The following SPARCL1 variants were observed in gnomAD, a reference collection of about 807,000 sequenced individuals.
The protein encoded by SPARCL1 is SPARC like 1.
In SPARCL1, 52 loss-of-function variants were observed where a neutral mutation model predicts 67.1. The observed-to-expected ratio is 0.78, with a 90% CI of 0.62 to 0.98. The LOEUF (loss-of-function observed/expected upper bound fraction) is 0.98, where lower values mean the gene tolerates loss of function less well. Among genes scored for constraint, SPARCL1 ranks in the 50% least tolerant of loss-of-function variants. The pLI, the probability that SPARCL1 is intolerant of heterozygous loss-of-function variation, is 0.00. For missense variants in SPARCL1, 717 were observed against 782.4 expected (o/e 0.92, Z 1.00); for synonymous variants, 226 against 267.8 (o/e 0.84, Z 1.52).
rs202032213 is a variant in SPARCL1, at chr4:87,480,344, T to G, written c.1817+28A>C. ...AGATATTTTATCAGAGAGATAAATC[T>G]AGAAATGGAAAGGTAAAGAGTTCTT... On this transcript the variant is annotated intron_variant, in intron 9 of 10. Coordinates refer to ENST00000282470, the MANE Select transcript of SPARCL1 (RefSeq NM_004684.6). The G allele has an allele frequency of 9.8e-6, 15 of 1,530,148 alleles. No individual in the cohort carries two copies. In the African/African-American group the frequency reaches 1.4e-4, roughly 14 times the overall value. The allele number at this position is 1,530,148 out of a possible 1,614,324, so 94.8% of individuals were successfully genotyped here.
intron 1 of SPARCL1, 120 bp from the exon 2 acceptor site, chr4:87,499,705 C>T (rs1724770063): frequency 1.3e-6 from 1 of 750,320 alleles, no homozygotes; most frequent in Non-Finnish European, 2.3e-6. Context: ...TGATTTCTAT[C>T]TTTGTGGATT....
At chr4:87,513,168 C>CTTG (rs1725443670) in intron 1 of SPARCL1, among the ~76,000 whole-genome samples, 1 of 152,124 alleles carries the variant, frequency 6.6e-6, no homozygotes, top group Non-Finnish European at 1.5e-5. Context: ...TTATACATTC[C>CTTG]TTGTATTTAT....
In SPARCL1 at chr4:87,497,263, A is replaced by C. The variant is rs1035999452; in HGVS notation, c.55-2136T>G. The C allele has an allele frequency of 8.2e-6, 8 of 976,798 alleles. No individual in the cohort carries two copies. In the African/African-American group the frequency reaches 1.4e-4, roughly 17 times the overall value. 60.5% of individuals were successfully genotyped at this position (976,798 alleles called of 1,614,324 possible). A position where few individuals can be genotyped will look rare whatever the true frequency, so the allele number is the denominator to read the frequency against. On this transcript the variant is annotated intron_variant, in intron 2 of 10. Transcript: ENST00000282470. ...ACCTAAGATGGGTAATGAATTTGAA[A>C]AAGTTTATAAAGAAGCCTTAAAGAA...
At chr4:87,488,705 GGTGCTCT>G (rs1560815836) in intron 7 of SPARCL1, among the ~76,000 whole-genome samples, 1 of 152,116 alleles carries the variant, frequency 6.6e-6, no homozygotes, top group Non-Finnish European at 1.5e-5. Flanking sequence ...CCTTCCCCCA[GGTGCTCT>G]GTCCCAAGGA....
chr4:87,527,278 GC>G (rs1300036968), intron 1 of SPARCL1, among the ~76,000 whole-genome samples: 1 of 152,198 alleles, frequency 6.6e-6, no homozygotes, highest in Non-Finnish European at 1.5e-5. Context: ...CTCTCAGGAA[GC>G]CAGGCCTACT....
At chr4:87,509,184 T>C (rs1368442022) in intron 1 of SPARCL1, among the ~76,000 whole-genome samples, 1 of 151,820 alleles carries the variant, frequency 6.6e-6, no homozygotes, top group African/African-American at 2.4e-5. Context: ...AATTAGGTAG[T>C]TGATAATAGC....
chr4:87,507,980 G>C lies in SPARCL1; in HGVS notation c.-11-8395C>G, dbSNP rs1431782601. 2.6e-5 allele frequency among the ~76,000 whole-genome samples: 4 copies of C among 152,210 alleles called. No homozygotes were observed. The South Asian group carries it at 8.3e-4, about 32-fold the overall frequency. On this transcript the variant is annotated intron_variant, in intron 1 of 10. Coordinates refer to ENST00000282470, the MANE Select transcript of SPARCL1 (RefSeq NM_004684.6). Reference sequence around the variant, plus strand: ...CAAAGGGTGAGGTATGGGGGAAGGGGCACAGAGCTGCCAAGCCCTCCCCGG... The same window carrying C: ...CAAAGGGTGAGGTATGGGGGAAGGGCCACAGAGCTGCCAAGCCCTCCCCGG...
chr4:87,474,105 C>T (rs1046872906), intron 10 of SPARCL1, among the ~76,000 whole-genome samples: 2 of 152,106 alleles, frequency 1.3e-5, no homozygotes, highest in Non-Finnish European at 2.9e-5. Context: ...AGCAGGTTAA[C>T]GGGAGGTCCA....
At chr4:87,476,887 T>C (rs1410994835) in intron 10 of SPARCL1, among the ~76,000 whole-genome samples, 1 of 152,234 alleles carries the variant, frequency 6.6e-6, no homozygotes, top group Non-Finnish European at 1.5e-5. Flanking sequence ...TTCTCAGCCT[T>C]GAAGGAAAGA....
At chr4:87,509,229 G>A (rs1377161375) in intron 1 of SPARCL1, among the ~76,000 whole-genome samples, 3 of 151,968 alleles carry the variant, frequency 2.0e-5, no homozygotes. Flanking sequence ...TAAGTTCTAG[G>A]CACTATTCTA....
chr4:87,518,874 T>C (rs183983779), intron 1 of SPARCL1, among the ~76,000 whole-genome samples: 2 of 152,284 alleles, frequency 1.3e-5, no homozygotes, highest in African/African-American at 2.4e-5. Flanking sequence ...TAGCTCAAAA[T>C]TGTTTGGTCC....
chr4:87,478,064 A>C lies in SPARCL1; in HGVS notation c.1966+1366T>G, dbSNP rs78460812. Among the ~76,000 whole-genome samples the C allele has an allele frequency of 8.9e-3, 1,357 of 152,322 alleles. 25 individuals are homozygous for C. The highest frequency in any genetic ancestry group is 0.029 in the African/African-American group (1,198 of 41,572). On this transcript the variant is annotated intron_variant, in intron 10 of 10. Transcript: ENST00000282470. ...CATATGCATGGGGGATATTTTAAAA[A>C]TGAAGTATGCACAAGTTATTTCTTT... is the stretch of plus-strand genomic sequence containing the variant.
At chr4:87,495,944 A>T (rs191692506) in intron 2 of SPARCL1, among the ~76,000 whole-genome samples, 2 of 152,342 alleles carry the variant, frequency 1.3e-5, no homozygotes, top group African/African-American at 4.8e-5. Context: ...AAACAAAAAA[A>T]ATTAGAATTA....
In SPARCL1 at chr4:87,494,414, G is replaced by A. The variant is rs74327902; in HGVS notation, c.386C>T (p.Pro129Leu). 2.5e-6 allele frequency: 4 copies of A among 1,614,086 alleles called. No individual in the cohort carries two copies. The highest frequency in any genetic ancestry group is 2.5e-6 in the Non-Finnish European group (3 of 1,180,024). ...TLDIKEDMSE[P>L]QEKKLSENTD... ...GTTCTCTGAGAGTTTTTTCTCCTGA[G>A]GCTCACTCATATCTTCTTTTATGTC... Residue 129 changes from proline (P) to leucine (L), a missense_variant, in exon 4 of 11, where the codon CCT becomes CTT. Physicochemically the swap from Pro to Leu is moderately conservative, Grantham distance 98 (BLOSUM62 -3). Transcript: ENST00000282470.
chr4:87,480,208 A>G (rs1723754215), intron 9 of SPARCL1, among the ~76,000 whole-genome samples, 164 bp downstream of exon 9: 2 of 152,198 alleles, frequency 1.3e-5, no homozygotes. Context: ...TCTAGAGTAC[A>G]TCATACACAG....
At chr4:87,482,605 G>T (rs755251990) in intron 7 of SPARCL1, 45 bp from the exon 8 acceptor site, 1 of 1,609,420 alleles carries the variant, frequency 6.2e-7, no homozygotes, top group Non-Finnish European at 8.5e-7. Context: ...GCTTATTTGT[G>T]TCCTATGGCA....
intron 1 of SPARCL1, among the ~76,000 whole-genome samples, chr4:87,501,969 ATT>A (rs55737224): frequency 0.28 from 39,948 of 144,402 alleles, 6,040 homozygotes; most frequent in East Asian, 0.59. Context: ...TCTCCTATTG[ATT>A]TTTTTTTTTT....
chr4:87,481,144 A>AT (rs1723805716), intron 8 of SPARCL1, among the ~76,000 whole-genome samples: 1 of 152,156 alleles, frequency 6.6e-6, no homozygotes, highest in Non-Finnish European at 1.5e-5. Flanking sequence ...TCACTGAGTA[A>AT]TTGGAAGCAA....
chr4:87,512,942 G>T (rs1017748072), intron 1 of SPARCL1, among the ~76,000 whole-genome samples: 1 of 152,118 alleles, frequency 6.6e-6, no homozygotes, highest in African/African-American at 2.4e-5. Context: ...TCAGCTCATT[G>T]TCTATAAAAT....
Sources: gnomAD v4.1 joint callset for allele counts (sites outside exome capture counted in the v4.1 genomes callset) on GRCh38, gnomAD v4.1.1 for gene constraint, MANE v1.5 for transcripts, NCBI Gene and HGNC (gene_info 2026-07-23, HGNC 2026-07-21) for gene names.